The following PCDHA7 variants were observed in gnomAD, a reference collection of about 807,000 sequenced individuals.
PCDHA7 encodes protocadherin alpha 7.
A neutral mutation model predicts 57.2 loss-of-function variants in PCDHA7; 37 were observed. The ratio of observed to expected loss-of-function variants is 0.65; its 90% CI spans 0.50 to 0.85. The LOEUF is 0.85. Among genes scored for constraint, PCDHA7 ranks in the 40% least tolerant of loss-of-function variants. PCDHA7 has a pLI of 0.00. For synonymous variants in PCDHA7, 553 were observed against 558.8 expected (o/e 0.99, Z 0.15); for missense variants, 1,188 against 1,241.8 (o/e 0.96, Z 0.65).
intron 1 of PCDHA7, among the ~76,000 whole-genome samples, chr5:140,977,055 A>T (rs1220462981): frequency 1.3e-5 from 2 of 152,234 alleles, no homozygotes; most frequent in African/African-American, 4.8e-5. Flanking sequence ...CTGATGGACT[A>T]GTATAGAAAA....
chr5:141,005,659 G>A (rs963015988), intron 3 of PCDHA7, among the ~76,000 whole-genome samples: 2 of 123,926 alleles, frequency 1.6e-5, no homozygotes, highest in South Asian at 2.6e-4. Flanking sequence ...TCGAGATCGC[G>A]CCACTGCACT....
intron 1 of PCDHA7, chr5:140,969,002 T>C (rs201544118): frequency 8.1e-6 from 13 of 1,614,214 alleles, no homozygotes; most frequent in Non-Finnish European, 1.1e-5. Context: ...TGGAGGCTTC[T>C]GTGGAGTAAG....
chr5:140,983,022 A>G (rs2097023004), intron 3 of PCDHA7, among the ~76,000 whole-genome samples: 1 of 152,114 alleles, frequency 6.6e-6, no homozygotes, highest in Non-Finnish European at 1.5e-5. Flanking sequence ...GGAAGGAAGG[A>G]AGATGGTTTC....
Position 141,009,718 on chromosome 5 carries a change from A to C in PCDHA7, c.2595A>C (p.Gln865His). The change falls in exon 4 of 4, where the codon CAA becomes CAC. Residue 865 changes from glutamine to histidine, a missense_variant. Around this residue, in one of 3 missense-constraint regions of PCDHA7, gnomAD observed 892 missense variants for 788.5 expected, o/e 1.13. Coordinates refer to ENST00000525929, the MANE Select transcript of PCDHA7 (RefSeq NM_018910.3). Reference protein sequence around the residue: ...TFKYGPGNPKQSGPGELPDKF... With the variant: ...TFKYGPGNPKHSGPGELPDKF... Reference sequence around the variant, plus strand: ...AATACGGACCAGGCAACCCCAAACAATCCGGTCCCGGTGAGTTGCCCGACA... The same window carrying C: ...AATACGGACCAGGCAACCCCAAACACTCCGGTCCCGGTGAGTTGCCCGACA... 6.2e-7 allele frequency: 1 copy of C among 1,614,044 alleles called. No individual in the cohort carries two copies. Among genetic ancestry groups the C allele is most frequent in the Non-Finnish European group, 8.5e-7 (1 of 1,180,018 alleles).
intron 1 of PCDHA7, among the ~76,000 whole-genome samples, chr5:140,907,411 G>A (rs1053744231): frequency 8.5e-5 from 13 of 152,192 alleles, no homozygotes; most frequent in Admixed American, 2.6e-4. Flanking sequence ...GGAATACCAC[G>A]ATGGTGGATA....
chr5:140,871,467 G>A (rs782618131), intron 1 of PCDHA7: 18 of 1,602,610 alleles, frequency 1.1e-5, no homozygotes, highest in Non-Finnish European at 1.3e-5. Context: ...GGGAAAGACA[G>A]GAGCCAGGGT....
At chr5:140,966,677 A>C in intron 1 of PCDHA7, 1 of 1,313,088 alleles carries the variant, frequency 7.6e-7, no homozygotes, top group Non-Finnish European at 9.8e-7. Flanking sequence ...GCAGGGTGGC[A>C]CGAGCGGAGG....
intron 1 of PCDHA7, among the ~76,000 whole-genome samples, chr5:140,935,456 C>G (rs981681011): frequency 6.6e-6 from 1 of 152,150 alleles, no homozygotes; most frequent in Non-Finnish European, 1.5e-5. Flanking sequence ...GATACTGTAG[C>G]AGTTTAAGTT....
chr5:140,877,684 A>T, intron 1 of PCDHA7: 1 of 1,613,768 alleles, frequency 6.2e-7, no homozygotes, highest in Non-Finnish European at 8.5e-7. Context: ...GGGCAAGCCC[A>T]CGCTGGTGTG....
chr5:140,886,827 GAAA>G (rs782016620), intron 1 of PCDHA7, among the ~76,000 whole-genome samples: 1 of 60,882 alleles, frequency 1.6e-5, no homozygotes. Flanking sequence ...ACTTCGTCTT[GAAA>G]AAAAAAAAAA....
chr5:140,850,026 C>T (rs2150464054), intron 1 of PCDHA7: 2 of 1,596,828 alleles, frequency 1.3e-6, no homozygotes, highest in Non-Finnish European at 1.7e-6. Context: ...CGTGTCAGTG[C>T]ACGCGGAGAG....
intron 1 of PCDHA7, chr5:140,852,303 A>G: frequency 4.8e-6 from 2 of 418,848 alleles, no homozygotes; most frequent in Non-Finnish European, 6.7e-6. Flanking sequence ...TCTGAGACGG[A>G]GTCGTTTTCT....
At chr5:140,959,688 T>G (rs1000595466) in intron 1 of PCDHA7, among the ~76,000 whole-genome samples, 20 of 152,318 alleles carry the variant, frequency 1.3e-4, no homozygotes, top group African/African-American at 4.8e-4. Flanking sequence ...ATAATTTCAA[T>G]AAAATGAGCT....
intron 1 of PCDHA7, chr5:140,883,386 G>C (rs1554177993): frequency 6.2e-7 from 1 of 1,614,138 alleles, no homozygotes; most frequent in South Asian, 1.1e-5. Context: ...GCCCTAATCA[G>C]TGTGTCCGAT....
At chr5:140,923,804 ATCT>A (rs1273575266) in intron 1 of PCDHA7, among the ~76,000 whole-genome samples, 1 of 152,220 alleles carries the variant, frequency 6.6e-6, no homozygotes, top group African/African-American at 2.4e-5. Flanking sequence ...CACAAATGAA[ATCT>A]TCTGAAAATA....
intron 1 of PCDHA7, chr5:140,968,172 T>C (rs2096226402): frequency 6.2e-7 from 1 of 1,614,110 alleles, no homozygotes; most frequent in Non-Finnish European, 8.5e-7. Flanking sequence ...CCACCAAGCT[T>C]CCTGGAGGAC....
intron 3 of PCDHA7, among the ~76,000 whole-genome samples, chr5:140,995,413 C>T (rs1554254672): frequency 6.6e-6 from 1 of 152,176 alleles, no homozygotes; most frequent in East Asian, 1.9e-4. Flanking sequence ...GATTTCATCA[C>T]ATTACTCAGA....
intron 1 of PCDHA7, chr5:140,856,194 A>G (rs1299614347): frequency 1.3e-6 from 2 of 1,598,082 alleles, no homozygotes; most frequent in Non-Finnish European, 1.7e-6. Context: ...CGCATCGCGC[A>G]GGACCTGGGG....
chr5:140,929,352 C>T (rs782815841), intron 1 of PCDHA7: 8 of 1,526,758 alleles, frequency 5.2e-6, no homozygotes, highest in Admixed American at 2.1e-5. Flanking sequence ...GAATTTGATT[C>T]CTTTGGCCCG....
Sources: allele counts gnomAD v4.1 joint callset (sites outside exome capture counted in the v4.1 genomes callset), GRCh38; gene constraint gnomAD v4.1.1; regional missense constraint gnomAD v4.1.1; transcripts MANE v1.5; gene names NCBI Gene and HGNC (gene_info 2026-07-23, HGNC 2026-07-21).